CIBAR1: variants seen among roughly 807,000 people sequenced by gnomAD.
The protein encoded by CIBAR1 is CBY1-interacting BAR domain-containing protein 1.
Under a neutral mutation model 44.0 loss-of-function variants are expected in CIBAR1, and 25 were observed. That is an observed-to-expected ratio of 0.57 (90% CI 0.41 to 0.79). The LOEUF (loss-of-function observed/expected upper bound fraction) is 0.79. Among genes scored for constraint, CIBAR1 ranks in the 30% least tolerant of loss-of-function variants. The pLI, the probability that CIBAR1 is intolerant of heterozygous loss-of-function variation, is 0.00. For missense variants in CIBAR1, 278 were observed against 344.8 expected (o/e 0.81, Z 1.53); for synonymous variants, 115 against 119.0 (o/e 0.97, Z 0.22).
intron 7 of CIBAR1, among the ~76,000 whole-genome samples, chr8:93,720,484 C>G (rs546188610): frequency 2.6e-4 from 40 of 152,184 alleles, no homozygotes; most frequent in Non-Finnish European, 5.0e-4. Flanking sequence ...TTATATTTCT[C>G]TATTTGTCAA....
At chr8:93,704,153 A>T (rs1229894457) in intron 3 of CIBAR1, among the ~76,000 whole-genome samples, 1 of 152,156 alleles carries the variant, frequency 6.6e-6, no homozygotes, top group Non-Finnish European at 1.5e-5. Flanking sequence ...ATAATGAAAT[A>T]GTTTTAATGA....
intron 2 of CIBAR1, chr8:93,701,957 A>G (rs1307333750): frequency 4.8e-6 from 1 of 208,626 alleles, no homozygotes; most frequent in Non-Finnish European, 9.8e-6. Context: ...GTATCATGGA[A>G]GCAAACCAAT....
Position 93,729,591 on chromosome 8 carries a change from T to G in CIBAR1, c.*1294T>G, listed in dbSNP as rs953708406. 25 of 152,196 alleles carry G rather than the reference T, an allele frequency of 1.6e-4. No homozygotes were observed. The highest frequency in any genetic ancestry group is 6.0e-4 in the African/African-American group (25 of 41,450). The allele number at this position is 152,196 out of a possible 1,614,324, so 9.4% of individuals were successfully genotyped here. A position where few individuals can be genotyped will look rare whatever the true frequency, so the allele number is the denominator to read the frequency against. ...ACATTCTGCCTACCTCAAAGAAATA[T>G]TCTAAGAACAAAAGGAATACTATCC... On this transcript the variant is annotated 3_prime_UTR_variant, in exon 9 of 9. Transcript: ENST00000518322.
At chr8:93,726,605 G>A (rs537324510) in intron 8 of CIBAR1, 92 bp downstream of exon 8, 71 of 1,468,858 alleles carry the variant, frequency 4.8e-5, no homozygotes, top group African/African-American at 1.3e-4. Flanking sequence ...ATATCACCTC[G>A]GTAACTTATC....
intron 4 of CIBAR1, among the ~76,000 whole-genome samples, chr8:93,706,930 A>T (rs963716350): frequency 3.3e-5 from 5 of 152,192 alleles, no homozygotes; most frequent in Non-Finnish European, 4.4e-5. Context: ...TTTAAGTTTG[A>T]TATGTAAGAT....
chr8:93,709,605 G>T (rs1466708073), intron 5 of CIBAR1, 166 bp from the exon 6 acceptor site: 6 of 606,564 alleles, frequency 9.9e-6, no homozygotes, highest in Non-Finnish European at 1.8e-5. Flanking sequence ...TATTCTGCAT[G>T]TGCTTACATA....
At position 93,717,538 on chromosome 8, in the gene CIBAR1, A is replaced by G. The variant is rs1045590461; in HGVS notation, c.544-1137A>G. 2.0e-5 allele frequency among the ~76,000 whole-genome samples: 3 copies of G among 152,296 alleles called. No homozygotes were observed. The East Asian group carries it at 5.8e-4, about 29-fold the overall frequency. On this transcript the variant is annotated intron_variant, in intron 6 of 8. Coordinates refer to ENST00000518322, the MANE Select transcript of CIBAR1 (RefSeq NM_145269.5). Reference sequence around the variant, plus strand: ...GACTGACGTATATCACTGAGTAGCAATCAGAGCCTCTTAATGCTCCCTTAA... The same window carrying G: ...GACTGACGTATATCACTGAGTAGCAGTCAGAGCCTCTTAATGCTCCCTTAA...
intron 7 of CIBAR1, chr8:93,719,530 A>G (rs1414204854): frequency 6.6e-6 from 1 of 152,238 alleles, no homozygotes; most frequent in African/African-American, 2.4e-5. Flanking sequence ...TTACAACTAC[A>G]GAAGCAGGCT....
intron 6 of CIBAR1, among the ~76,000 whole-genome samples, chr8:93,710,729 G>A (rs1285940976): frequency 6.6e-6 from 1 of 151,814 alleles, no homozygotes; most frequent in African/African-American, 2.4e-5. Context: ...AGCTACCTGG[G>A]AGGCTGAGGC....
intron 1 of CIBAR1, chr8:93,700,888 C>A: frequency 7.6e-7 from 1 of 1,309,314 alleles, no homozygotes; most frequent in Non-Finnish European, 9.7e-7. Flanking sequence ...CACCCACCCA[C>A]GCCACCGGGT....
chr8:93,704,060 T>C (rs1281095522), intron 3 of CIBAR1, among the ~76,000 whole-genome samples: 3 of 148,750 alleles, frequency 2.0e-5, no homozygotes, highest in African/African-American at 7.5e-5. Flanking sequence ...TGAGACTCTG[T>C]CTCAAAAAAA....
chr8:93,709,905 A>G, intron 6 of CIBAR1, 30 bp downstream of exon 6: 1 of 1,511,888 alleles, frequency 6.6e-7, no homozygotes, highest in African/African-American at 1.4e-5. Context: ...GGTTCAAAAC[A>G]TGTTTTTAAC....
At chr8:93,708,044 A>G (rs771338999) in intron 5 of CIBAR1, 28 bp downstream of exon 5, 41 of 1,540,998 alleles carry the variant, frequency 2.7e-5, no homozygotes, top group Admixed American at 1.8e-4. Context: ...GTGTCAAGAA[A>G]TGGATCCTTA....
chr8:93,712,542 C>A (rs564262508), intron 6 of CIBAR1, among the ~76,000 whole-genome samples: 2 of 152,184 alleles, frequency 1.3e-5, no homozygotes, highest in East Asian at 3.9e-4. Flanking sequence ...ATTTTCATTT[C>A]TTTTGGATAT....
intron 4 of CIBAR1, among the ~76,000 whole-genome samples, chr8:93,707,031 C>A (rs940927618): frequency 6.6e-6 from 1 of 152,164 alleles, no homozygotes; most frequent in African/African-American, 2.4e-5. Flanking sequence ...CAGGTGACTC[C>A]TGAACAAGCT....
intron 6 of CIBAR1, among the ~76,000 whole-genome samples, chr8:93,710,335 C>G (rs1019831396): frequency 2.0e-5 from 3 of 147,412 alleles, no homozygotes; most frequent in African/African-American, 7.4e-5. Context: ...AAAAATATTA[C>G]AAATAAAATG....
At chr8:93,704,828 T>C in intron 3 of CIBAR1, 81 bp from the exon 4 acceptor site, 1 of 774,066 alleles carries the variant, frequency 1.3e-6, no homozygotes, top group South Asian at 2.0e-5. Context: ...TTAAAACAAT[T>C]CTTAAAAGAA....
At chr8:93,712,807 C>CT (rs34273549) in intron 6 of CIBAR1, among the ~76,000 whole-genome samples, 92,548 of 136,932 alleles carry the variant, frequency 0.68, 31,599 homozygotes, top group African/African-American at 0.76. Flanking sequence ...CATGATGATG[C>CT]TTTTTTTTTT....
In CIBAR1 at chr8:93,730,364, T is replaced by C. The variant is rs1007398293; in HGVS notation, c.*2067T>C. The C allele has an allele frequency of 1.3e-5, 2 of 152,160 alleles. No homozygotes were observed. Among genetic ancestry groups the C allele is most frequent in the African/African-American group, 4.8e-5 (2 of 41,432 alleles). 9.4% of individuals were successfully genotyped at this position (152,160 alleles called of 1,614,324 possible). The stretch of plus-strand genomic sequence containing the variant: ...ATGATTTTTACCTATCTCTTGGTTG[T>C]GGGATTGACTTTCTAGACATGATCT... On this transcript the variant is annotated 3_prime_UTR_variant, in exon 9 of 9. Transcript: ENST00000518322.
Sources: allele counts gnomAD v4.1 joint callset (sites outside exome capture counted in the v4.1 genomes callset), GRCh38; gene constraint gnomAD v4.1.1; transcripts MANE v1.5; gene names NCBI Gene and HGNC (gene_info 2026-07-23, HGNC 2026-07-21).